EPHB1: variants seen among roughly 807,000 people sequenced by gnomAD.
The protein encoded by EPHB1 is ephrin type-B receptor 1.
In EPHB1, 30 loss-of-function variants were observed where a neutral mutation model predicts 94.4. The ratio of observed to expected loss-of-function variants is 0.32; its 90% CI spans 0.24 to 0.43. EPHB1 has a LOEUF of 0.43. Among genes scored for constraint, EPHB1 ranks in the 20% least tolerant of loss-of-function variants. EPHB1 has a pLI of 1.00. For missense variants in EPHB1, 1,055 were observed against 1,308.3 expected, an observed-to-expected ratio of 0.81 and a Z score of 2.99; for synonymous variants, 522 against 489.1, an observed-to-expected ratio of 1.07 and a Z score of -0.89.
At chr3:135,152,747 G>A (rs1283749187) in intron 5 of EPHB1, among the ~76,000 whole-genome samples, 1 of 152,146 alleles carries the variant, frequency 6.6e-6, no homozygotes, top group Non-Finnish European at 1.5e-5. Flanking sequence ...CATCCCTGCT[G>A]CTCTCATTCA....
At chr3:135,052,909 A>ATATATATATATATATGTGTG (rs1217744067) in intron 3 of EPHB1, among the ~76,000 whole-genome samples, 2 of 68,852 alleles carry the variant, frequency 2.9e-5, no homozygotes, top group African/African-American at 7.7e-5. Context: ...ATATATATAT[A>ATATATATATATATATGTGTG]TGTGTGTGTG....
At chr3:135,166,524 G>A (rs187427644) in intron 8 of EPHB1, among the ~76,000 whole-genome samples, 177 of 152,312 alleles carry the variant, frequency 1.2e-3, no homozygotes, top group South Asian at 3.3e-3. Context: ...AGCTGGCCCC[G>A]AAAGCCTTGT....
At chr3:135,237,812 T>A (rs1943692197) in intron 12 of EPHB1, among the ~76,000 whole-genome samples, 1 of 152,186 alleles carries the variant, frequency 6.6e-6, no homozygotes, top group East Asian at 1.9e-4. Context: ...ATACCTGCAC[T>A]GGGGAGCTGG....
chr3:134,888,937 C>G lies in EPHB1; in HGVS notation c.59-36879C>G, dbSNP rs114360374. ...AGGGGGGCCCTGCAAAAGTTCTGAG[C>G]CTGGAGGAGTTTGGCAGATTCCAGT... On this transcript the variant is annotated intron_variant, in intron 1 of 15. Coordinates refer to ENST00000398015, the MANE Select transcript of EPHB1 (RefSeq NM_004441.5). Among the ~76,000 whole-genome samples, 661 of 152,062 alleles carry G rather than the reference C, an allele frequency of 4.3e-3. 4 individuals are homozygous for G. Among genetic ancestry groups the G allele is most frequent in the African/African-American group, 0.015 (636 of 41,470 alleles).
intron 3 of EPHB1, among the ~76,000 whole-genome samples, chr3:135,069,389 TGA>T (rs1415516949): frequency 1.3e-5 from 2 of 152,110 alleles, no homozygotes; most frequent in Non-Finnish European, 2.9e-5. Context: ...CAGTCTTTTT[TGA>T]GTTATTGGGG....
At chr3:135,183,121 C>T (rs190909614) in intron 10 of EPHB1, among the ~76,000 whole-genome samples, 1,804 of 148,244 alleles carry the variant, frequency 0.012, 27 homozygotes, top group Non-Finnish European at 0.017. Flanking sequence ...TGACATCAAT[C>T]ATAGTGGGAG....
chr3:134,976,989 C>T (rs1261894874), intron 3 of EPHB1, among the ~76,000 whole-genome samples: 1 of 152,218 alleles, frequency 6.6e-6, no homozygotes, highest in Non-Finnish European at 1.5e-5. Flanking sequence ...TTTTATTTGA[C>T]AATTTTACTT....
intron 12 of EPHB1, among the ~76,000 whole-genome samples, chr3:135,228,543 C>G (rs1157779602): frequency 1.3e-5 from 2 of 152,056 alleles, no homozygotes; most frequent in Non-Finnish European, 2.9e-5. Flanking sequence ...AGTCTTAGTC[C>G]CAGTGTAAAT....
chr3:134,990,296 A>G lies in EPHB1; in HGVS notation c.805+38244A>G, dbSNP rs189858826. 1.2e-3 allele frequency among the ~76,000 whole-genome samples: 185 copies of G among 152,264 alleles called. 1 individual carries two copies. Among genetic ancestry groups the G allele is most frequent in the Admixed American group, 9.2e-4 (14 of 15,298 alleles). On this transcript the variant is annotated intron_variant, in intron 3 of 15. Transcript: ENST00000398015. ...CTGAATAATTCTTTCTTTATCTTTG[A>G]AATTCAACAATTTCACCAGGCTATG...
At chr3:135,129,428 G>C (rs59658964) in intron 4 of EPHB1, among the ~76,000 whole-genome samples, 25,700 of 152,064 alleles carry the variant, frequency 0.17, 2,743 homozygotes, top group Non-Finnish European at 0.24. Context: ...ACTGATTACT[G>C]CTGCTACTTC....
At chr3:134,904,926 T>G (rs977637387) in intron 1 of EPHB1, among the ~76,000 whole-genome samples, 1 of 152,198 alleles carries the variant, frequency 6.6e-6, no homozygotes, top group Non-Finnish European at 1.5e-5. Flanking sequence ...AGGGGCCTTT[T>G]AGGGGAGCGG....
intron 1 of EPHB1, among the ~76,000 whole-genome samples, chr3:134,904,879 C>T (rs1014225644): frequency 7.9e-5 from 12 of 152,170 alleles, no homozygotes; most frequent in Admixed American, 3.9e-4. Flanking sequence ...TTGTTTGGGT[C>T]TGCTATGCCT....
chr3:135,146,931 G>A (rs1210744341), intron 5 of EPHB1, among the ~76,000 whole-genome samples: 4 of 152,164 alleles, frequency 2.6e-5, no homozygotes, highest in African/African-American at 9.7e-5. Flanking sequence ...AAAGGAGCAA[G>A]AGACCACACA....
chr3:135,154,462 A>G, intron 6 of EPHB1, 186 bp downstream of exon 6: 1 of 713,490 alleles, frequency 1.4e-6, no homozygotes, highest in Non-Finnish European at 2.2e-6. Context: ...AAGCCCAGGC[A>G]CTTTCTGTGC....
At chr3:135,054,040 TAC>T (rs1553727022) in intron 3 of EPHB1, among the ~76,000 whole-genome samples, 3,351 of 139,794 alleles carry the variant, frequency 0.024, 52 homozygotes, top group African/African-American at 0.044. Flanking sequence ...TATATATATA[TAC>T]ACACACACAC....
At chr3:135,095,991 C>T (rs1938744751) in intron 3 of EPHB1, among the ~76,000 whole-genome samples, 1 of 152,194 alleles carries the variant, frequency 6.6e-6, no homozygotes, top group Non-Finnish European at 1.5e-5. Flanking sequence ...CTGTCTTCCT[C>T]CACCAGGATG....
chr3:135,161,687 G>A (rs1349100083), intron 6 of EPHB1, among the ~76,000 whole-genome samples: 2 of 152,156 alleles, frequency 1.3e-5, no homozygotes, highest in Non-Finnish European at 2.9e-5. Flanking sequence ...TTGCAAAGCT[G>A]GATGTGCTAT....
intron 3 of EPHB1, among the ~76,000 whole-genome samples, chr3:135,024,589 G>T (rs1010796498): frequency 6.6e-6 from 1 of 152,098 alleles, no homozygotes; most frequent in African/African-American, 2.4e-5. Context: ...TACACCGGGG[G>T]GTTGTCTAGC....
intron 6 of EPHB1, among the ~76,000 whole-genome samples, chr3:135,159,285 A>G (rs1941446476): frequency 6.6e-6 from 1 of 152,362 alleles, no homozygotes; most frequent in East Asian, 1.9e-4. Context: ...ATTCATTTTA[A>G]TCACTGAACT....
Sources: gnomAD v4.1 joint callset for allele counts (sites outside exome capture counted in the v4.1 genomes callset) on GRCh38, gnomAD v4.1.1 for gene constraint, MANE v1.5 for transcripts, NCBI Gene and HGNC (gene_info 2026-07-23, HGNC 2026-07-21) for gene names.